TC2N: variants seen among roughly 807,000 people sequenced by gnomAD.
TC2N encodes tandem C2 domains, nuclear.
TC2N carries 51 observed loss-of-function variants against 61.9 expected under a neutral mutation model. The observed-to-expected ratio is 0.82, with a 90% confidence interval of 0.66 to 1.04. The LOEUF is 1.04. TC2N is among the 50% of genes least tolerant of loss of function. TC2N has a pLI of 0.00. For missense variants in TC2N, 556 were observed against 566.7 expected (o/e 0.98, Z 0.19); for synonymous variants, 204 against 192.6 (o/e 1.06, Z -0.49).
At chr14:91,790,657 G>T (rs1362227706) in intron 9 of TC2N, among the ~76,000 whole-genome samples, 1 of 152,118 alleles carries the variant, frequency 6.6e-6, no homozygotes, top group Admixed American at 6.5e-5. Flanking sequence ...AAATCCCTGA[G>T]TTCTCTTCTT....
chr14:91,804,059 C>T (rs1369062679), intron 3 of TC2N, among the ~76,000 whole-genome samples: 1 of 152,090 alleles, frequency 6.6e-6, no homozygotes, highest in African/African-American at 2.4e-5. Flanking sequence ...CATAAATTGG[C>T]TTAAGACATT....
At position 91,823,795 on chromosome 14, in the gene TC2N, G is replaced by A. The variant is rs966675798; in HGVS notation, c.-56-9970C>T. Among the ~76,000 whole-genome samples the A allele has an allele frequency of 3.9e-5, 6 of 152,062 alleles. No homozygotes were observed. The East Asian group carries it at 7.7e-4, about 20-fold the overall frequency. ...AAATATAAATGGTTAAAAGTATACT[G>A]CCTATGTTCCAATCCTGTAACTTTC... On this transcript the variant is annotated intron_variant, in intron 1 of 11. Transcript: ENST00000435962.
intron 1 of TC2N, among the ~76,000 whole-genome samples, chr14:91,855,866 A>G (rs572895870): frequency 6.6e-6 from 1 of 152,304 alleles, no homozygotes; most frequent in South Asian, 2.1e-4. Flanking sequence ...AGAAGTGACC[A>G]TGAAAATAAA....
At chr14:91,809,901 G>A (rs867830273) in intron 3 of TC2N, among the ~76,000 whole-genome samples, 1 of 152,200 alleles carries the variant, frequency 6.6e-6, no homozygotes, top group African/African-American at 2.4e-5. Context: ...TCTGGTAGGA[G>A]GGAGGAAGAA....
At chr14:91,808,392 A>C (rs769215842) in intron 3 of TC2N, among the ~76,000 whole-genome samples, 25 of 152,160 alleles carry the variant, frequency 1.6e-4, no homozygotes, top group Non-Finnish European at 3.2e-4. Context: ...AAGATAGCTT[A>C]ACAACAACAT....
At chr14:91,845,152 C>A (rs1045443180) in intron 1 of TC2N, among the ~76,000 whole-genome samples, 3 of 151,888 alleles carry the variant, frequency 2.0e-5, no homozygotes, top group Non-Finnish European at 2.9e-5. Context: ...CACTTGAACC[C>A]GGGAGATGGA....
intron 10 of TC2N, among the ~76,000 whole-genome samples, chr14:91,786,068 G>A (rs575948894): frequency 4.6e-5 from 7 of 152,158 alleles, no homozygotes; most frequent in African/African-American, 1.2e-4. Flanking sequence ...CAGAGCTGGG[G>A]TGCCAGGGAA....
chr14:91,792,135 A>G (rs1206288064), intron 9 of TC2N, among the ~76,000 whole-genome samples: 1 of 152,122 alleles, frequency 6.6e-6, no homozygotes, highest in East Asian at 1.9e-4. Flanking sequence ...AAAAAGAAAA[A>G]AGAAATGTGC....
intron 9 of TC2N, among the ~76,000 whole-genome samples, chr14:91,792,051 G>A (rs1383915417): frequency 2.6e-5 from 4 of 151,806 alleles, no homozygotes; most frequent in African/African-American, 7.3e-5. Flanking sequence ...CCCAGGAGGC[G>A]GAGCTTGCAG....
chr14:91,815,788 T>A (rs1886978146), intron 1 of TC2N, among the ~76,000 whole-genome samples: 1 of 151,648 alleles, frequency 6.6e-6, no homozygotes, highest in Non-Finnish European at 1.5e-5. Context: ...CCAAAAGATG[T>A]GGCAAAGGAC....
chr14:91,841,343 C>T (rs1888158385), intron 1 of TC2N, among the ~76,000 whole-genome samples: 1 of 152,166 alleles, frequency 6.6e-6, no homozygotes, highest in Admixed American at 6.5e-5. Flanking sequence ...TCTTCTGGAC[C>T]CACATCAGCT....
intron 1 of TC2N, among the ~76,000 whole-genome samples, chr14:91,830,205 T>C (rs1366236941): frequency 6.6e-6 from 1 of 152,192 alleles, no homozygotes; most frequent in African/African-American, 2.4e-5. Context: ...AATATACCTA[T>C]GAGCATAGAA....
chr14:91,807,459 C>A (rs1199812088), intron 3 of TC2N, among the ~76,000 whole-genome samples: 1 of 152,236 alleles, frequency 6.6e-6, no homozygotes, highest in African/African-American at 2.4e-5. Context: ...TGGTAACCCA[C>A]CTCTTGCATT....
chr14:91,830,567 G>A (rs946446969), intron 1 of TC2N, among the ~76,000 whole-genome samples: 1 of 152,156 alleles, frequency 6.6e-6, no homozygotes, highest in Non-Finnish European at 1.5e-5. Flanking sequence ...AATGGGGAAT[G>A]GCTGCTAATG....
In TC2N at chr14:91,802,256, G is replaced by T. The variant is rs377688531; in HGVS notation, c.467C>A (p.Ser156Ter). The change falls in exon 4 of 12, where the codon TCG becomes TAG. Residue 156 changes from serine (S) to a stop codon, truncating the protein, a stop_gained and splice_region_variant. Coordinates refer to ENST00000435962, the MANE Select transcript of TC2N (RefSeq NM_001128596.3). LOFTEE classifies it high-confidence loss of function. ...AAAAGCACAAAAGATCTTCATACCC[G>T]ATCCATACAGTCTCTTCACTTCTGA... ...PRSEVKRLYG[S>*]VCDLRTNKLP... 2.6e-6 allele frequency: 4 copies of T among 1,551,270 alleles called. No homozygotes were observed. In the African/African-American group the frequency reaches 4.2e-5, roughly 16 times the overall value.
chr14:91,792,415 T>A lies in TC2N; in HGVS notation c.999A>T (p.Thr333=). The change falls in exon 9 of 12, where the codon ACA becomes ACT. Residue 333 remains threonine, a synonymous_variant. Transcript: ENST00000435962. ...ECSMSLRTLS[T]QEMDYSLDIT... is the part of the protein sequence containing the mutation. ...TATCCAAAGAGTAATCCATTTCCTG[T>A]GTGCTAAGGGTTCTGAGTGACATTG... The A allele has an allele frequency of 6.2e-7, 1 of 1,606,686 alleles. No homozygotes were observed. The highest frequency in any genetic ancestry group is 2.2e-5 in the East Asian group (1 of 44,776).
chr14:91,803,168 A>T (rs1305646761), intron 3 of TC2N, among the ~76,000 whole-genome samples: 1 of 152,082 alleles, frequency 6.6e-6, no homozygotes, highest in African/African-American at 2.4e-5. Context: ...AGACAACTGG[A>T]TATCAACAGG....
rs568241379 is a variant in TC2N at position 91,865,145 on chromosome 14, G to GT, written c.-57+2116dup. On this transcript the variant is annotated intron_variant, in intron 1 of 11. Transcript: ENST00000435962. ...AAAAGTCACTGCCTGTCAACATGCA[G>GT]TTCCCCTCTGAAAGAACACCAAAAT... Among the ~76,000 whole-genome samples, 129 of 152,258 alleles carry GT rather than the reference G, an allele frequency of 8.5e-4. 4 individuals carry two copies. The South Asian group carries it at 0.027, about 32-fold the overall frequency.
Position 91,781,808 on chromosome 14 carries a change from A to G in TC2N, c.*1292T>C, listed in dbSNP as rs1330443383. On this transcript the variant is annotated 3_prime_UTR_variant, in exon 12 of 12. Coordinates refer to ENST00000435962, the MANE Select transcript of TC2N (RefSeq NM_001128596.3). Reference sequence around the variant, plus strand: ...CTTGAGGAGATGGCACCTAGGGAAAAGAGAATTAAGTGTTTATTTGGGAAA... The same window carrying G: ...CTTGAGGAGATGGCACCTAGGGAAAGGAGAATTAAGTGTTTATTTGGGAAA... 6.6e-6 allele frequency: 1 copy of G among 152,118 alleles called. No homozygotes were observed. The highest frequency in any genetic ancestry group is 1.5e-5 in the Non-Finnish European group (1 of 67,984). 9.4% of individuals were successfully genotyped at this position (152,118 alleles called of 1,614,324 possible).
Sources: gnomAD v4.1 joint callset for allele counts (sites outside exome capture counted in the v4.1 genomes callset) on GRCh38, gnomAD v4.1.1 for gene constraint, MANE v1.5 for transcripts, NCBI Gene and HGNC (gene_info 2026-07-23, HGNC 2026-07-21) for gene names.